Variants in LIMCH1 observed in about 807,000 individuals in gnomAD.
LIMCH1 encodes the protein LIM and calponin homology domains 1.
LIMCH1 carries 113 observed loss-of-function variants against 176.5 expected under a neutral mutation model. That is an observed-to-expected ratio of 0.64 (90% CI 0.55 to 0.75). The LOEUF is 0.75. LIMCH1 is among the 30% of genes least tolerant of loss of function. The probability of loss-of-function intolerance (pLI) is 0.00; values close to 1 mark genes in which losing one functional copy is unlikely to be tolerated. For missense variants in LIMCH1, 1,674 were observed against 1,814.9 expected, an observed-to-expected ratio of 0.92 and a Z score of 1.41; for synonymous variants, 619 against 645.9, an observed-to-expected ratio of 0.96 and a Z score of 0.63.
intron 4 of LIMCH1, among the ~76,000 whole-genome samples, chr4:41,611,246 A>G (rs2091377958): frequency 6.6e-6 from 1 of 152,234 alleles, no homozygotes; most frequent in Non-Finnish European, 1.5e-5. Flanking sequence ...CAGCATAGGA[A>G]CAATGAGCTG....
intron 1 of LIMCH1, among the ~76,000 whole-genome samples, chr4:41,401,444 A>G (rs550766580): frequency 6.6e-6 from 1 of 152,252 alleles, no homozygotes; most frequent in East Asian, 1.9e-4. Context: ...GCCTTGTAGT[A>G]TGGTTTGAAG....
chr4:41,447,213 T>A (rs553426337), intron 1 of LIMCH1, among the ~76,000 whole-genome samples: 1 of 152,092 alleles, frequency 6.6e-6, no homozygotes, highest in African/African-American at 2.4e-5. Flanking sequence ...CCAGCCTGAG[T>A]GATAGAGCGA....
At chr4:41,407,388 C>T in intron 1 of LIMCH1, among the ~76,000 whole-genome samples, 1 of 152,170 alleles carries the variant, frequency 6.6e-6, no homozygotes. Flanking sequence ...GCCACCATGC[C>T]TGGTTAATTT....
In LIMCH1 at chr4:41,557,535, C is replaced by T. The variant is rs1458180889; in HGVS notation, c.-241+19185C>T. Among the ~76,000 whole-genome samples the T allele has an allele frequency of 3.1e-5, 4 of 128,384 alleles. No individual in the cohort carries two copies. The South Asian group carries it at 6.9e-4, about 22-fold the overall frequency. The allele number at this position is 128,384 out of a possible 152,430, so 84.2% of individuals were successfully genotyped here. ...GTTAAAATGTGTGTGTTTTAAAAAT[C>T]TTTATTGCCTCTGTGTGTGTGTGTG... On this transcript the variant is annotated intron_variant, in intron 1 of 31. Transcript: ENST00000503057.
intron 19 of LIMCH1, chr4:41,662,023 G>C (rs2094642478): frequency 3.6e-6 from 1 of 279,568 alleles, no homozygotes; most frequent in Admixed American, 4.9e-5. Flanking sequence ...TTTTTTTGCA[G>C]CCTTATCAAT....
chr4:41,514,758 C>T (rs957548354), intron 2 of LIMCH1, among the ~76,000 whole-genome samples: 9 of 152,166 alleles, frequency 5.9e-5, no homozygotes, highest in African/African-American at 1.7e-4. Context: ...TAAAACACCA[C>T]GCCTCCCAAG....
intron 1 of LIMCH1, among the ~76,000 whole-genome samples, chr4:41,422,119 A>C (rs765824703): frequency 1.3e-5 from 2 of 152,060 alleles, no homozygotes; most frequent in Non-Finnish European, 2.9e-5. Flanking sequence ...AACAACAGAG[A>C]GTGAGAGAGA....
At position 41,620,102 on chromosome 4, in the gene LIMCH1, T is replaced by C. The variant is rs527387861; in HGVS notation, c.459-322T>C. ...TAAAATAAACTTGTCTAATAGTCCA[T>C]CTGTACTATTATTTTCCATTGAATA... On this transcript the variant is annotated intron_variant, in intron 6 of 31. Transcript: ENST00000503057. 1.2e-4 allele frequency: 34 copies of C among 273,062 alleles called. 1 individual carries two copies. Among genetic ancestry groups the C allele is most frequent in the African/African-American group, 7.3e-4 (33 of 45,284 alleles). The allele number at this position is 273,062 out of a possible 1,614,324, so 16.9% of individuals were successfully genotyped here. A position where few individuals can be genotyped will look rare whatever the true frequency, so the allele number is the denominator to read the frequency against.
At chr4:41,620,753 T>C (rs974896295) in intron 7 of LIMCH1, 63 bp downstream of exon 7, 17 of 1,457,024 alleles carry the variant, frequency 1.2e-5, no homozygotes, top group Non-Finnish European at 1.5e-5. Flanking sequence ...TTGGAATCTG[T>C]CTAGAGAGTT....
intron 1 of LIMCH1, among the ~76,000 whole-genome samples, chr4:41,591,457 T>A (rs2087551326): frequency 6.6e-6 from 1 of 152,136 alleles, no homozygotes; most frequent in African/African-American, 2.4e-5. Flanking sequence ...TTGCCCAGGC[T>A]GGTCTTGAAC....
chr4:41,621,776 G>A (rs567722965), intron 7 of LIMCH1, among the ~76,000 whole-genome samples: 2 of 152,234 alleles, frequency 1.3e-5, no homozygotes, highest in South Asian at 2.1e-4. Flanking sequence ...GCTGAGGATC[G>A]TTGATAGTCA....
chr4:41,425,980 G>A (rs2061042392), intron 1 of LIMCH1, among the ~76,000 whole-genome samples: 2 of 151,792 alleles, frequency 1.3e-5, no homozygotes, highest in East Asian at 1.9e-4. Context: ...TTGAAACTAA[G>A]GATGCTAACT....
intron 29 of LIMCH1, among the ~76,000 whole-genome samples, 167 bp downstream of exon 29, chr4:41,688,084 T>C (rs549663921): frequency 2.0e-5 from 3 of 152,354 alleles, no homozygotes; most frequent in African/African-American, 7.2e-5. Context: ...ATTGTCCATC[T>C]GCCTGCAGAT....
At chr4:41,407,173 A>G (rs2059046517) in intron 1 of LIMCH1, among the ~76,000 whole-genome samples, 1 of 151,190 alleles carries the variant, frequency 6.6e-6, no homozygotes, top group African/African-American at 2.4e-5. Context: ...CTTGGGATAT[A>G]GGTAAAAGAA....
intron 1 of LIMCH1, among the ~76,000 whole-genome samples, chr4:41,459,882 G>A (rs2065079504): frequency 6.6e-6 from 1 of 152,086 alleles, no homozygotes; most frequent in African/African-American, 2.4e-5. Context: ...GAGCATGGAG[G>A]AGAAATGACC....
At chr4:41,564,830 C>T (rs540997366) in intron 1 of LIMCH1, among the ~76,000 whole-genome samples, 7 of 152,072 alleles carry the variant, frequency 4.6e-5, no homozygotes, top group East Asian at 1.9e-4. Context: ...GTGTTGTTCT[C>T]GTGATGGTGA....
intron 1 of LIMCH1, among the ~76,000 whole-genome samples, chr4:41,362,566 T>A (rs1311693971): frequency 6.6e-6 from 1 of 152,236 alleles, no homozygotes; most frequent in African/African-American, 2.4e-5. Context: ...TTTACTATTC[T>A]TGAAGGCAAG....
At chr4:41,412,377 C>T (rs997451067) in intron 1 of LIMCH1, among the ~76,000 whole-genome samples, 3 of 152,134 alleles carry the variant, frequency 2.0e-5, no homozygotes, top group Admixed American at 6.5e-5. Context: ...TTGCATATCT[C>T]AATCTGCATT....
intron 23 of LIMCH1, among the ~76,000 whole-genome samples, chr4:41,678,664 G>A (rs921790994): frequency 1.3e-5 from 2 of 152,128 alleles, no homozygotes; most frequent in African/African-American, 4.8e-5. Flanking sequence ...CTTGTTGCCT[G>A]GTATGGCATC....
Sources: gnomAD v4.1 joint callset for allele counts (sites outside exome capture counted in the v4.1 genomes callset) on GRCh38, gnomAD v4.1.1 for gene constraint, MANE v1.5 for transcripts, NCBI Gene and HGNC (gene_info 2026-07-23, HGNC 2026-07-21) for gene names.